Variants in PLD5 observed in about 807,000 individuals in gnomAD.
PLD5 encodes the protein inactive phospholipase D5.
Under a neutral mutation model 61.1 loss-of-function variants are expected in PLD5, and 36 were observed. That is an observed-to-expected ratio of 0.59 (90% CI 0.45 to 0.78). The LOEUF (loss-of-function observed/expected upper bound fraction) is 0.78. Ranked by LOEUF, PLD5 falls within the 30% of genes least tolerant of loss-of-function variation. The probability of loss-of-function intolerance (pLI) is 0.00; values close to 1 mark genes in which losing one functional copy is unlikely to be tolerated. For missense variants in PLD5, 515 were observed against 644.4 expected (o/e 0.80, Z 2.17); for synonymous variants, 243 against 242.8 (o/e 1.00, Z -0.01).
chr1:242,176,994 A>C (rs1412804832), intron 5 of PLD5, among the ~76,000 whole-genome samples: 1 of 152,190 alleles, frequency 6.6e-6, no homozygotes, highest in Non-Finnish European at 1.5e-5. Context: ...AAATTAGTTC[A>C]ATCATTGTGG....
At chr1:242,399,204 CA>C (rs1240665693) in intron 1 of PLD5, among the ~76,000 whole-genome samples, 1 of 152,190 alleles carries the variant, frequency 6.6e-6, no homozygotes, top group Non-Finnish European at 1.5e-5. Flanking sequence ...GTATTCTACA[CA>C]TAGTAGGGGC....
At chr1:242,498,926 A>C (rs1668463959) in intron 1 of PLD5, among the ~76,000 whole-genome samples, 2 of 152,230 alleles carry the variant, frequency 1.3e-5, no homozygotes, top group South Asian at 2.1e-4. Context: ...CCACTTTCTT[A>C]AAACAAATTC....
intron 6 of PLD5, among the ~76,000 whole-genome samples, chr1:242,119,785 A>G (rs1358705517): frequency 1.3e-5 from 2 of 152,232 alleles, no homozygotes; most frequent in Admixed American, 1.3e-4. Flanking sequence ...CAAAATGTCC[A>G]ACATAGAGTT....
Position 242,264,412 on chromosome 1 carries a change from T to C in PLD5, c.607+925A>G, listed in dbSNP as rs1574633624. Among the ~76,000 whole-genome samples the C allele has an allele frequency of 1.3e-5, 2 of 152,214 alleles. 1 individual carries two copies. Among genetic ancestry groups the C allele is most frequent in the African/African-American group, 4.8e-5 (2 of 41,448 alleles). ...TCTTCTATGTGGTAATGACTTTCAA[T>C]ATGCTTTATCACTTCCAATTTTTCT... On this transcript the variant is annotated intron_variant, in intron 4 of 9. Coordinates refer to ENST00000536534, the MANE Select transcript of PLD5 (RefSeq NM_001372062.1).
intron 7 of PLD5, among the ~76,000 whole-genome samples, chr1:242,110,202 C>T (rs1661377996): frequency 6.6e-6 from 1 of 151,568 alleles, no homozygotes; most frequent in Non-Finnish European, 1.5e-5. Context: ...CTGAACTGGC[C>T]CAGAATTAGG....
intron 1 of PLD5, among the ~76,000 whole-genome samples, chr1:242,429,774 G>A (rs1665621228): frequency 1.3e-5 from 2 of 152,184 alleles, no homozygotes; most frequent in African/African-American, 4.8e-5. Context: ...AAAGTAAAAG[G>A]AGAAACCTGA....
intron 1 of PLD5, among the ~76,000 whole-genome samples, chr1:242,437,551 G>C (rs891952806): frequency 3.3e-5 from 5 of 152,044 alleles, no homozygotes; most frequent in Non-Finnish European, 5.9e-5. Flanking sequence ...ACAAAAATTA[G>C]CCAGGTGTGG....
At chr1:242,232,367 T>C (rs1671364155) in intron 4 of PLD5, among the ~76,000 whole-genome samples, 1 of 152,222 alleles carries the variant, frequency 6.6e-6, no homozygotes, top group Admixed American at 6.5e-5. Flanking sequence ...GTATTTTGCT[T>C]TCTCATTGAA....
At chr1:242,376,673 A>G (rs563844875) in intron 1 of PLD5, among the ~76,000 whole-genome samples, 2 of 152,336 alleles carry the variant, frequency 1.3e-5, no homozygotes, top group Admixed American at 6.5e-5. Flanking sequence ...AAATACTGAT[A>G]CAAACATGTA....
chr1:242,395,015 GAATA>G (rs890711666), intron 1 of PLD5, among the ~76,000 whole-genome samples: 3 of 132,582 alleles, frequency 2.3e-5, no homozygotes, highest in East Asian at 2.4e-4. Flanking sequence ...GAATATATAT[GAATA>G]TATATGTATA....
rs146663077 is a variant in PLD5 at position 242,502,690 on chromosome 1, C to CGT, written c.189+21396_189+21397dup. Among the ~76,000 whole-genome samples the CGT allele has an allele frequency of 7.6e-3, 1,150 of 151,162 alleles. 5 individuals are homozygous for CGT. The highest frequency in any genetic ancestry group is 0.011 in the Non-Finnish European group (716 of 67,698). On this transcript the variant is annotated intron_variant, in intron 1 of 9. Transcript: ENST00000536534. ...GTATGTGCGTGTGTGTGTGTATGTG[C>CGT]GTGTGTGTGTGTGTGCGTATCTCCT...
intron 1 of PLD5, among the ~76,000 whole-genome samples, chr1:242,474,389 T>TC (rs1667526375): frequency 6.6e-6 from 1 of 152,178 alleles, no homozygotes; most frequent in Non-Finnish European, 1.5e-5. Flanking sequence ...TTACTTCCCC[T>TC]CACTATCCCA....
intron 2 of PLD5, among the ~76,000 whole-genome samples, chr1:242,318,526 C>T (rs1346310124): frequency 1.3e-5 from 2 of 152,150 alleles, no homozygotes; most frequent in East Asian, 3.9e-4. Context: ...TCTTAGTTTG[C>T]ATCTTGGTTC....
chr1:242,298,950 G>C (rs1011788318), intron 2 of PLD5, among the ~76,000 whole-genome samples: 1 of 151,908 alleles, frequency 6.6e-6, no homozygotes, highest in African/African-American at 2.4e-5. Context: ...TGTGGCAAAG[G>C]AGCAGGGACC....
chr1:242,525,254 G>C (rs1461540809), upstream of PLD5, among the ~76,000 whole-genome samples: 2 of 135,554 alleles, frequency 1.5e-5, no homozygotes, highest in Admixed American at 7.0e-5. Flanking sequence ...GTAGCCCCTC[G>C]GGCAGGCACG....
intron 1 of PLD5, among the ~76,000 whole-genome samples, chr1:242,481,387 A>C (rs1037581347): frequency 6.6e-6 from 1 of 152,226 alleles, no homozygotes; most frequent in African/African-American, 2.4e-5. Context: ...CAACGGTCTT[A>C]GCAAACGGCA....
rs1670471807 is a variant in PLD5 at position 242,220,109 on chromosome 1, T to G, written c.614A>C (p.Glu205Ala). 1 of 1,614,014 alleles carries G rather than the reference T, an allele frequency of 6.2e-7. No individual in the cohort carries two copies. The highest frequency in any genetic ancestry group is 1.3e-5 in the African/African-American group (1 of 74,916). Reference protein sequence around the residue: ...VLEALKLKGAEVTYMNMTAYN... With the variant: ...VLEALKLKGAAVTYMNMTAYN... Reference sequence around the variant, plus strand: ...AGCGGTCATGTTCATGTACGTCACCTCGGCTCCTAGGAGTTCAAGGACAGT... The same window carrying G: ...AGCGGTCATGTTCATGTACGTCACCGCGGCTCCTAGGAGTTCAAGGACAGT... The change falls in exon 5 of 10, where the codon GAG (glutamate) becomes GCG (alanine). Residue 205 changes from glutamate (E) to alanine (A), a missense_variant. Physicochemically the swap from Glu to Ala is moderately radical, Grantham distance 107. Around this residue, in one of 2 missense-constraint regions of PLD5, gnomAD observed 450 missense variants for 598.1 expected, o/e 0.75. Coordinates refer to ENST00000536534, the MANE Select transcript of PLD5 (RefSeq NM_001372062.1).
At chr1:242,499,220 A>ATCTT (rs1668474588) in intron 1 of PLD5, among the ~76,000 whole-genome samples, 1 of 152,216 alleles carries the variant, frequency 6.6e-6, no homozygotes, top group South Asian at 2.1e-4. Flanking sequence ...GCTCATTAAT[A>ATCTT]TCTTAGAGAA....
intron 4 of PLD5, among the ~76,000 whole-genome samples, chr1:242,236,524 TG>T (rs779889187): frequency 6.6e-6 from 1 of 151,724 alleles, no homozygotes; most frequent in Non-Finnish European, 1.5e-5. Flanking sequence ...GAATTACTTT[TG>T]CTTTTGAAAA....
Sources: gnomAD v4.1 joint callset for allele counts (sites outside exome capture counted in the v4.1 genomes callset) on GRCh38, gnomAD v4.1.1 for gene constraint, gnomAD v4.1.1 regional missense constraint, MANE v1.5 for transcripts, NCBI Gene and HGNC (gene_info 2026-07-23, HGNC 2026-07-21) for gene names.